The following AGAP1 variants were observed in gnomAD, a reference collection of about 807,000 sequenced individuals.
The protein encoded by AGAP1 is ArfGAP with GTPase domain, ankyrin repeat and PH domain 1, also known as arf-GAP with GTPase, ANK repeat and PH domain-containing protein 1.
In AGAP1, 29 loss-of-function variants were observed where a neutral mutation model predicts 105.3. The ratio of observed to expected loss-of-function variants is 0.28; its 90% CI spans 0.21 to 0.38. The LOEUF (loss-of-function observed/expected upper bound fraction) is 0.38. Ranked by LOEUF, AGAP1 falls within the 10% of genes least tolerant of loss-of-function variation. The probability of loss-of-function intolerance (pLI) is 1.00; values close to 1 mark genes in which losing one functional copy is unlikely to be tolerated. For synonymous variants in AGAP1, 509 were observed against 485.9 expected, an observed-to-expected ratio of 1.05 and a Z score of -0.63; for missense variants, 998 against 1,165.1, an observed-to-expected ratio of 0.86 and a Z score of 2.09.
chr2:235,677,864 A>G (rs1417577817), intron 1 of AGAP1, among the ~76,000 whole-genome samples: 3 of 118,916 alleles, frequency 2.5e-5, no homozygotes, highest in African/African-American at 6.5e-5. Context: ...AGAGAAGAAT[A>G]TTTATCCAGT....
At chr2:235,923,857 A>G (rs974529768) in intron 11 of AGAP1, among the ~76,000 whole-genome samples, 1 of 152,230 alleles carries the variant, frequency 6.6e-6, no homozygotes, top group Non-Finnish European at 1.5e-5. Flanking sequence ...AAGATGTGAA[A>G]GGAGAAGAGA....
At chr2:235,945,293 G>T (rs947444765) in intron 12 of AGAP1, among the ~76,000 whole-genome samples, 5 of 152,058 alleles carry the variant, frequency 3.3e-5, no homozygotes, top group African/African-American at 9.7e-5. Flanking sequence ...GTAGAGTTGG[G>T]GGGGGGTTCA....
At chr2:236,021,842 T>G (rs2056894313) in intron 13 of AGAP1, among the ~76,000 whole-genome samples, 1 of 152,028 alleles carries the variant, frequency 6.6e-6, no homozygotes, top group Non-Finnish European at 1.5e-5. Context: ...GCAGGTTGCG[T>G]GAGTTAAGGA....
At chr2:235,780,202 C>T (rs1160527036) in intron 6 of AGAP1, among the ~76,000 whole-genome samples, 1 of 152,000 alleles carries the variant, frequency 6.6e-6, no homozygotes, top group Admixed American at 6.6e-5. Context: ...TAGTTTGTTG[C>T]TTTTTTTCTT....
intron 1 of AGAP1, among the ~76,000 whole-genome samples, chr2:235,648,805 T>A (rs1947482051): frequency 6.6e-6 from 1 of 151,514 alleles, no homozygotes; most frequent in Non-Finnish European, 1.5e-5. Flanking sequence ...TAGAATCACT[T>A]GAACCTGGGA....
rs1952091312 is a variant in AGAP1 at position 235,733,865 on chromosome 2, GA to G, written c.311-7095del. 6.6e-6 allele frequency among the ~76,000 whole-genome samples: 1 copy of G among 152,110 alleles called. No individual in the cohort carries two copies. Among genetic ancestry groups the G allele is most frequent in the African/African-American group, 2.4e-5 (1 of 41,414 alleles). Reference sequence around the variant, plus strand: ...AAAAAAAAAAGTTGGGAGAGGAAGTGAAATCTGATTTGGCTAAATTTTGTAA... The same window carrying G: ...AAAAAAAAAAGTTGGGAGAGGAAGTGAATCTGATTTGGCTAAATTTTGTAA... On this transcript the variant is annotated intron_variant, in intron 3 of 17. Transcript: ENST00000304032. The surrounding 1 kb of genome is among the most constrained non-coding windows in gnomAD (Gnocchi z 5.0).
At chr2:235,675,009 T>C (rs2149375157) in intron 1 of AGAP1, among the ~76,000 whole-genome samples, 1 of 151,798 alleles carries the variant, frequency 6.6e-6, no homozygotes, top group African/African-American at 2.4e-5. Context: ...ATTTTTATTT[T>C]TTAAACCATT....
At chr2:235,605,339 G>A (rs185912600) in intron 1 of AGAP1, among the ~76,000 whole-genome samples, 131 of 152,286 alleles carry the variant, frequency 8.6e-4, no homozygotes, top group East Asian at 3.1e-3. Context: ...CCATTTTACC[G>A]ATGAGGAAAG....
At position 235,927,570 on chromosome 2, in the gene AGAP1, T is replaced by C. The variant is rs2052514832; in HGVS notation, c.1325-3195T>C. Reference sequence around the variant, plus strand: ...AACTCATAAACCTAAGATGAGTTCTTGATCAGCAACCTCCATTGGAACATT... The same window carrying C: ...AACTCATAAACCTAAGATGAGTTCTCGATCAGCAACCTCCATTGGAACATT... On this transcript the variant is annotated intron_variant, in intron 11 of 17. Transcript: ENST00000304032. The surrounding 1 kb of genome is among the most constrained non-coding windows in gnomAD (Gnocchi z 4.4). 6.6e-6 allele frequency among the ~76,000 whole-genome samples: 1 copy of C among 152,218 alleles called. No individual in the cohort carries two copies.
chr2:235,796,711 G>A (rs991725630), intron 6 of AGAP1, among the ~76,000 whole-genome samples: 5 of 152,308 alleles, frequency 3.3e-5, no homozygotes, highest in South Asian at 2.1e-4. Context: ...CCCCGTCTAC[G>A]TTATAACCTA....
In AGAP1 at chr2:235,551,508, A is replaced by C. The variant is rs190224673; in HGVS notation, c.163+56659A>C. ...AGAGACGGGTCGTCCAGTGATACTC[A>C]GATTGGTCTCTAACTCCTGGGCTCA... On this transcript the variant is annotated intron_variant, in intron 1 of 17. Transcript: ENST00000304032. This position sits in a 1 kb window ranked among gnomAD's most constrained non-coding sequence, Gnocchi z 4.8. Among the ~76,000 whole-genome samples the C allele has an allele frequency of 6.6e-6, 1 of 152,146 alleles. No homozygotes were observed. Among genetic ancestry groups the C allele is most frequent in the East Asian group, 1.9e-4 (1 of 5,148 alleles).
At position 236,040,954 on chromosome 2, in the gene AGAP1, T is replaced by A; in HGVS notation, c.1891+113T>A. The A allele has an allele frequency of 9.9e-7, 1 of 1,011,520 alleles. No individual in the cohort carries two copies. The highest frequency in any genetic ancestry group is 1.5e-6 in the Non-Finnish European group (1 of 676,274). The allele number at this position is 1,011,520 out of a possible 1,614,324, so 62.7% of individuals were successfully genotyped here. A position where few individuals can be genotyped will look rare whatever the true frequency, so the allele number is the denominator to read the frequency against. On this transcript the variant is annotated intron_variant, in intron 15 of 17. Transcript: ENST00000304032. The surrounding 1 kb of genome is among the most constrained non-coding windows in gnomAD (Gnocchi z 5.6). ...TCTGTCCTGTTTGGCAGATAAGAGT[T>A]AACTGCTTTTAGGAAATTGAGATAT... is the stretch of plus-strand genomic sequence containing the variant.
intron 8 of AGAP1, among the ~76,000 whole-genome samples, chr2:235,805,792 T>C (rs1957806855): frequency 6.6e-6 from 1 of 152,254 alleles, no homozygotes; most frequent in South Asian, 2.1e-4. Flanking sequence ...TATATTCTTC[T>C]GCAACTTCAT....
At chr2:235,745,647 T>A (rs1952869955) in intron 5 of AGAP1, among the ~76,000 whole-genome samples, 1 of 152,260 alleles carries the variant, frequency 6.6e-6, no homozygotes, top group Admixed American at 6.5e-5. Flanking sequence ...TAGACTGTTT[T>A]GCGAATTCTT....
chr2:235,924,512 C>T (rs1450089298), intron 11 of AGAP1, among the ~76,000 whole-genome samples: 4 of 152,174 alleles, frequency 2.6e-5, no homozygotes. Flanking sequence ...TTAGAATAGG[C>T]GGCAGCTTCT....
chr2:235,886,413 A>G (rs1395716325), intron 10 of AGAP1, among the ~76,000 whole-genome samples: 2 of 152,286 alleles, frequency 1.3e-5, no homozygotes, highest in Non-Finnish European at 2.9e-5. Flanking sequence ...GATATGTATC[A>G]GAAGATTCCC....
chr2:235,656,128 C>T (rs187057598), intron 1 of AGAP1, among the ~76,000 whole-genome samples: 2 of 152,312 alleles, frequency 1.3e-5, no homozygotes, highest in Admixed American at 1.3e-4. Flanking sequence ...GGGGGCCGCT[C>T]CTGCTGATGA....
Position 235,968,442 on chromosome 2 carries a change from C to G in AGAP1, c.1484-20C>G. On this transcript the variant is annotated intron_variant, in intron 12 of 17. Coordinates refer to ENST00000304032, the MANE Select transcript of AGAP1 (RefSeq NM_001037131.3). ...TCTGCATTTTTTTTTTTTTTTTTGC[C>G]TTTTCCGGTCCAATGGCAGACACAG... The G allele has an allele frequency of 6.8e-7, 1 of 1,477,746 alleles. No homozygotes were observed. Among genetic ancestry groups the G allele is most frequent in the Non-Finnish European group, 8.9e-7 (1 of 1,119,726 alleles). 91.5% of individuals were successfully genotyped at this position (1,477,746 alleles called of 1,614,324 possible).
At position 235,736,559 on chromosome 2, in the gene AGAP1, A is replaced by T. The variant is rs981228570; in HGVS notation, c.311-4404A>T. 7.2e-5 allele frequency among the ~76,000 whole-genome samples: 11 copies of T among 152,136 alleles called. No individual in the cohort carries two copies. The highest frequency in any genetic ancestry group is 2.7e-4 in the African/African-American group (11 of 41,434). ...GAAGCTACATTCAGCTTGAAACTGG[A>T]TGTAAAATTTGATGGTATCCTCTAA... On this transcript the variant is annotated intron_variant, in intron 3 of 17. Transcript: ENST00000304032. The surrounding 1 kb of genome is among the most constrained non-coding windows in gnomAD (Gnocchi z 5.5).
Sources: gnomAD v4.1 joint callset for allele counts (sites outside exome capture counted in the v4.1 genomes callset) on GRCh38, gnomAD v4.1.1 for gene constraint, Gnocchi (gnomAD v3.1) non-coding constraint, MANE v1.5 for transcripts, NCBI Gene and HGNC (gene_info 2026-07-23, HGNC 2026-07-21) for gene names.